AP5M1: variants seen among roughly 807,000 people sequenced by gnomAD.
AP5M1 encodes AP-5 complex subunit mu-1.
In AP5M1, 44 loss-of-function variants were observed where a neutral mutation model predicts 52.3. That is an observed-to-expected ratio of 0.84 (90% CI 0.66 to 1.08). The LOEUF is 1.08. Ranked by LOEUF, AP5M1 falls within the 50% of genes least tolerant of loss-of-function variation. The probability of loss-of-function intolerance (pLI) is 0.00; values close to 1 mark genes in which losing one functional copy is unlikely to be tolerated. For missense variants in AP5M1, 526 were observed against 568.4 expected, an observed-to-expected ratio of 0.93 and a Z score of 0.76; for synonymous variants, 213 against 199.0, an observed-to-expected ratio of 1.07 and a Z score of -0.59.
intron 6 of AP5M1, among the ~76,000 whole-genome samples, chr14:57,284,069 A>C (rs1885249127): frequency 6.6e-6 from 1 of 152,218 alleles, no homozygotes; most frequent in South Asian, 2.1e-4. Context: ...GTTGCACATC[A>C]ACAATTTATC....
At chr14:57,269,773 G>GA (rs771092155) in intron 1 of AP5M1, among the ~76,000 whole-genome samples, 40 of 152,164 alleles carry the variant, frequency 2.6e-4, no homozygotes, top group Non-Finnish European at 5.1e-4. Flanking sequence ...TTATTCTACT[G>GA]AAAAATCCAT....
chr14:57,286,084 A>G, intron 6 of AP5M1, 139 bp from the exon 7 acceptor site: 1 of 626,260 alleles, frequency 1.6e-6, no homozygotes, highest in Non-Finnish European at 2.8e-6. Flanking sequence ...CACACACACA[A>G]TTCAAGTTTA....
At chr14:57,275,689 A>AG (rs1885017479) in intron 2 of AP5M1, among the ~76,000 whole-genome samples, 1 of 152,198 alleles carries the variant, frequency 6.6e-6, no homozygotes, top group Non-Finnish European at 1.5e-5. Flanking sequence ...TTTTCTTTAG[A>AG]GGGATGAAAT....
chr14:57,275,804 C>T (rs2139687154), intron 2 of AP5M1, among the ~76,000 whole-genome samples: 1 of 152,184 alleles, frequency 6.6e-6, no homozygotes, highest in East Asian at 1.9e-4. Flanking sequence ...GAAAACACAA[C>T]GTAAATAACA....
chr14:57,269,279 A>G lies in AP5M1; in HGVS notation c.-36A>G. ...TGCGCTGTTCCTCGGTGGCGACCTT[A>G]ATTATGAGATGAGCTAATGCTTTAC... On this transcript the variant is annotated 5_prime_UTR_variant, in exon 1 of 8. Transcript: ENST00000261558. The G allele has an allele frequency of 1.9e-6, 3 of 1,606,930 alleles. No homozygotes were observed. Among genetic ancestry groups the G allele is most frequent in the South Asian group, 1.1e-5 (1 of 90,920 alleles).
intron 2 of AP5M1, among the ~76,000 whole-genome samples, chr14:57,276,258 T>G (rs1421526553): frequency 6.6e-6 from 1 of 152,188 alleles, no homozygotes; most frequent in African/African-American, 2.4e-5. Context: ...AAATCTTTTT[T>G]CTCCTAAGTT....
chr14:57,274,901 C>G lies in AP5M1; in HGVS notation c.720+12C>G, dbSNP rs1450505084. The G allele has an allele frequency of 1.9e-6, 3 of 1,613,896 alleles. No individual in the cohort carries two copies. Among genetic ancestry groups the G allele is most frequent in the South Asian group, 2.2e-5 (2 of 91,014 alleles). ...CAGTGACTTGCAAGGTGAGATTTTT[C>G]TCTGGTACTTGCTTTATCGTTTTAT... is the stretch of plus-strand genomic sequence containing the variant. On this transcript the variant is annotated intron_variant, in intron 2 of 7. Coordinates refer to ENST00000261558, the MANE Select transcript of AP5M1 (RefSeq NM_018229.4).
chr14:57,295,108 G>GT lies in AP5M1; in HGVS notation c.*6227dup, dbSNP rs1333572347. The GT allele has an allele frequency of 6.6e-6, 1 of 151,868 alleles. No individual in the cohort carries two copies. The highest frequency in any genetic ancestry group is 2.4e-5 in the African/African-American group (1 of 41,396). 9.4% of individuals were successfully genotyped at this position (151,868 alleles called of 1,614,324 possible). A position where few individuals can be genotyped will look rare whatever the true frequency, so the allele number is the denominator to read the frequency against. ...AGTTGTTCATTTCAGTACACCCATA[G>GT]TTTCTCAACAGGTGTAGCAGATTTG... On this transcript the variant is annotated 3_prime_UTR_variant, in exon 8 of 8. Transcript: ENST00000261558.
At chr14:57,273,229 C>A (rs1884936562) in intron 1 of AP5M1, among the ~76,000 whole-genome samples, 1 of 152,086 alleles carries the variant, frequency 6.6e-6, no homozygotes, top group African/African-American at 2.4e-5. Flanking sequence ...TGCACCTAAT[C>A]TACATATGGA....
intron 3 of AP5M1, 52 bp from the exon 4 acceptor site, chr14:57,282,037 G>A (rs371161189): frequency 7.5e-6 from 11 of 1,460,804 alleles, no homozygotes; most frequent in African/African-American, 1.5e-5. Context: ...TACTTTTGTT[G>A]TTTTAGACTC....
rs1344856551 is a variant in AP5M1 at position 57,297,873 on chromosome 14, G to C, written c.*8989G>C. 6.6e-6 allele frequency: 1 copy of C among 152,126 alleles called. No individual in the cohort carries two copies. Among genetic ancestry groups the C allele is most frequent in the Non-Finnish European group, 1.5e-5 (1 of 68,020 alleles). The allele number at this position is 152,126 out of a possible 1,614,324, so 9.4% of individuals were successfully genotyped here. ...AATTAGGGTTTTGCATGTGTATATA[G>C]AAAGGCTATTTTGCAAACAGTGGTT... On this transcript the variant is annotated 3_prime_UTR_variant, in exon 8 of 8. Transcript: ENST00000261558.
At chr14:57,269,584 A>G (rs1884826260) in intron 1 of AP5M1, among the ~76,000 whole-genome samples, 196 bp downstream of exon 1, 4 of 152,088 alleles carry the variant, frequency 2.6e-5, no homozygotes, top group Admixed American at 2.6e-4. Context: ...AATTGAGTTG[A>G]TGACTGGTAC....
intron 2 of AP5M1, among the ~76,000 whole-genome samples, chr14:57,276,097 T>A (rs1328594750): frequency 6.6e-6 from 1 of 152,158 alleles, no homozygotes; most frequent in African/African-American, 2.4e-5. Context: ...AACGTTAAAG[T>A]TACCTAAAAG....
rs1471993548 is a variant in AP5M1, at chr14:57,295,138, T to C, written c.*6254T>C. ...TCAACAGGTGTAGCAGATTTGTTTC[T>C]AAAGGACATAGGAGTGCATTTTTTA... On this transcript the variant is annotated 3_prime_UTR_variant, in exon 8 of 8. Coordinates refer to ENST00000261558, the MANE Select transcript of AP5M1 (RefSeq NM_018229.4). 1 of 151,888 alleles carries C rather than the reference T, an allele frequency of 6.6e-6. No homozygotes were observed. Among genetic ancestry groups the C allele is most frequent in the African/African-American group, 2.4e-5 (1 of 41,404 alleles). 9.4% of individuals were successfully genotyped at this position (151,888 alleles called of 1,614,324 possible).
At chr14:57,285,886 G>C (rs1279847079) in intron 6 of AP5M1, among the ~76,000 whole-genome samples, 2 of 152,086 alleles carry the variant, frequency 1.3e-5, no homozygotes, top group South Asian at 4.1e-4. Context: ...TGCTGCTTAC[G>C]TGCTGGGATA....
chr14:57,282,046 TC>T, intron 3 of AP5M1, 42 bp from the exon 4 acceptor site: 3 of 1,491,556 alleles, frequency 2.0e-6, no homozygotes, highest in Non-Finnish European at 2.7e-6. Context: ...TGTTTTAGAC[TC>T]ATTAACCTGA....
rs550753308 is a variant in AP5M1, at chr14:57,297,178, T to C, written c.*8294T>C. On this transcript the variant is annotated 3_prime_UTR_variant, in exon 8 of 8. Coordinates refer to ENST00000261558, the MANE Select transcript of AP5M1 (RefSeq NM_018229.4). ...ATGTAGGGTAAATATAAATGTCTAATGAAAGTAATTACTATTATATTTGAT... is the reference window on the plus strand; with the variant it reads ...ATGTAGGGTAAATATAAATGTCTAACGAAAGTAATTACTATTATATTTGAT... 1 of 152,172 alleles carries C rather than the reference T, an allele frequency of 6.6e-6. No individual in the cohort carries two copies. Among genetic ancestry groups the C allele is most frequent in the Non-Finnish European group, 1.5e-5 (1 of 67,990 alleles). 9.4% of individuals were successfully genotyped at this position (152,172 alleles called of 1,614,324 possible).
chr14:57,273,237 G>C (rs1884936921), intron 1 of AP5M1, among the ~76,000 whole-genome samples: 1 of 151,990 alleles, frequency 6.6e-6, no homozygotes, highest in African/African-American at 2.4e-5. Flanking sequence ...ATCTACATAT[G>C]GATAACTTTG....
Position 57,290,136 on chromosome 14 carries a change from C to G in AP5M1, c.*1252C>G, listed in dbSNP as rs1382901640. 6.6e-6 allele frequency: 1 copy of G among 151,882 alleles called. No homozygotes were observed. The highest frequency in any genetic ancestry group is 1.5e-5 in the Non-Finnish European group (1 of 67,916). 9.4% of individuals were successfully genotyped at this position (151,882 alleles called of 1,614,324 possible). A position where few individuals can be genotyped will look rare whatever the true frequency, so the allele number is the denominator to read the frequency against. ...AGGAAAAGCTTAGAAAAGCTGCTAACTCCTCAGAAGAAAGCATGATAGTTT... is the reference window on the plus strand; with the variant it reads ...AGGAAAAGCTTAGAAAAGCTGCTAAGTCCTCAGAAGAAAGCATGATAGTTT... On this transcript the variant is annotated 3_prime_UTR_variant, in exon 8 of 8. Transcript: ENST00000261558.
Sources: allele counts gnomAD v4.1 joint callset (sites outside exome capture counted in the v4.1 genomes callset), GRCh38; gene constraint gnomAD v4.1.1; transcripts MANE v1.5; gene names NCBI Gene and HGNC (gene_info 2026-07-23, HGNC 2026-07-21).